The following SLC24A4 variants were observed in gnomAD, a reference collection of about 807,000 sequenced individuals.
SLC24A4 encodes solute carrier family 24 member 4.
SLC24A4 carries 53 observed loss-of-function variants against 79.0 expected under a neutral mutation model. That is an observed-to-expected ratio of 0.67 (90% CI 0.54 to 0.84). The LOEUF is 0.84. Among genes scored for constraint, SLC24A4 ranks in the 40% least tolerant of loss-of-function variants. The pLI is 0.00. For missense variants in SLC24A4, 731 were observed against 822.0 expected (o/e 0.89, Z 1.35); for synonymous variants, 323 against 323.8 (o/e 1.00, Z 0.03).
chr14:92,468,092 A>G (rs1894221918), intron 12 of SLC24A4, among the ~76,000 whole-genome samples: 1 of 152,226 alleles, frequency 6.6e-6, no homozygotes, highest in Non-Finnish European at 1.5e-5. Flanking sequence ...CAAGATCAAT[A>G]TATACAATTC....
At chr14:92,378,518 GCTTAACAT>G (rs2141705000) in intron 2 of SLC24A4, among the ~76,000 whole-genome samples, 1 of 152,282 alleles carries the variant, frequency 6.6e-6, no homozygotes, top group Non-Finnish European at 1.5e-5. Flanking sequence ...TTTTGGGGCT[GCTTAACAT>G]CTTCTCCACC....
At position 92,443,348 on chromosome 14, in the gene SLC24A4, C is replaced by T. The variant is rs1892608895; in HGVS notation, c.583-52C>T. 10 of 1,583,694 alleles carry T rather than the reference C, an allele frequency of 6.3e-6. 1 individual carries two copies. In the South Asian group the frequency reaches 1.1e-4, roughly 18 times the overall value. ...GGGGAGGAGGCCTGGGCAGCTGCAC[C>T]CCCTCCCCGCTTCTGCGCTCATAGC... On this transcript the variant is annotated intron_variant, in intron 6 of 16. Transcript: ENST00000532405.
chr14:92,494,952 AAAAG>A lies in SLC24A4; in HGVS notation c.*1329_*1332del, dbSNP rs1895872701. 6.5e-6 allele frequency: 1 copy of A among 152,696 alleles called. No homozygotes were observed. Among genetic ancestry groups the A allele is most frequent in the Admixed American group, 6.5e-5 (1 of 15,288 alleles). 9.5% of individuals were successfully genotyped at this position (152,696 alleles called of 1,614,324 possible). On this transcript the variant is annotated 3_prime_UTR_variant, in exon 17 of 17. Transcript: ENST00000532405. This position sits in a 1 kb window ranked among gnomAD's most constrained non-coding sequence, Gnocchi z 4.6. ...AACCATTTATGGTTTATGATTTCTA[AAAAG>A]AAAGCACAATTAATTTTATAGAGAG...
At chr14:92,477,844 G>C (rs1894857210) in intron 12 of SLC24A4, among the ~76,000 whole-genome samples, 1 of 147,020 alleles carries the variant, frequency 6.8e-6, no homozygotes, top group South Asian at 2.1e-4. Context: ...GTGCAGTGGT[G>C]TGATCTTAGC....
chr14:92,323,143 G>A (rs1265165581), upstream of SLC24A4: 1 of 152,228 alleles, frequency 6.6e-6, no homozygotes, highest in Non-Finnish European at 1.5e-5. This position sits in a 1 kb window ranked among gnomAD's most constrained non-coding sequence, Gnocchi z 4.9. Context: ...AGAGCAGCGG[G>A]CGGGAGGCGC....
At chr14:92,364,941 G>A (rs72693198) in intron 2 of SLC24A4, among the ~76,000 whole-genome samples, 10,540 of 152,248 alleles carry the variant, frequency 0.069, 462 homozygotes, top group Admixed American at 0.093. Flanking sequence ...CAAAGGTGCC[G>A]TGAGAGCCCC....
chr14:92,452,882 C>A (rs959021544), intron 10 of SLC24A4: 1 of 152,202 alleles, frequency 6.6e-6, no homozygotes, highest in Non-Finnish European at 1.5e-5. Context: ...TTAACTCTTA[C>A]ACGGGTTTGC....
At chr14:92,397,266 C>G (rs1306353686) in intron 2 of SLC24A4, among the ~76,000 whole-genome samples, 1 of 152,174 alleles carries the variant, frequency 6.6e-6, no homozygotes, top group Admixed American at 6.5e-5. Flanking sequence ...GGAAAATTAG[C>G]CTCCTTCTGT....
At chr14:92,348,349 T>G (rs901788270) in intron 2 of SLC24A4, among the ~76,000 whole-genome samples, 1 of 152,210 alleles carries the variant, frequency 6.6e-6, no homozygotes, top group Non-Finnish European at 1.5e-5. Context: ...AAGTCAGAGG[T>G]CAACAAACTC....
chr14:92,408,166 A>AGT (rs143375295), intron 2 of SLC24A4, among the ~76,000 whole-genome samples: 30,115 of 136,648 alleles, frequency 0.22, 3,170 homozygotes, highest in Non-Finnish European at 0.25. Context: ...TTGCTACAGC[A>AGT]GTGTGTGTGT....
At chr14:92,386,498 C>T (rs537114038) in intron 2 of SLC24A4, among the ~76,000 whole-genome samples, 16 of 152,308 alleles carry the variant, frequency 1.1e-4, no homozygotes, top group Non-Finnish European at 2.2e-4. Context: ...AAGAAAGACC[C>T]TGCCCTGTGG....
chr14:92,482,801 C>T lies in SLC24A4; in HGVS notation c.1377C>T (p.Thr459=), dbSNP rs764395598. ...WEKFFMVTFI[T]ATLWIAVFSY... ...AGTTCTTCATGGTCACCTTCATCAC[C>T]GCCACGCTGTGGATCGCTGTGTTCT... is the stretch of plus-strand genomic sequence containing the variant. Residue 459 remains threonine (T), a synonymous_variant, in exon 13 of 17, where the codon ACC becomes ACT. Coordinates refer to ENST00000532405, the MANE Select transcript of SLC24A4 (RefSeq NM_153646.4). The T allele has an allele frequency of 7.4e-6, 12 of 1,613,872 alleles. No homozygotes were observed. The highest frequency in any genetic ancestry group is 2.7e-5 in the African/African-American group (2 of 74,882).
In SLC24A4 at chr14:92,453,914, C is replaced by T. The variant is rs774660650; in HGVS notation, c.895C>T (p.Gln299Ter). Residue 299 changes from glutamine to a stop codon, truncating the protein, a stop_gained, in exon 11 of 17, where the codon CAG becomes TAG. Transcript: ENST00000532405. LOFTEE classifies it high-confidence loss of function. ...PLLGQVKEKP[Q>*]YGKNPVVMVD... ...GCGCTCAACAGTGAAGGAGAAGCCA[C>T]AGTATGGCAAGAACCCCGTGGTGAT... is the stretch of plus-strand genomic sequence containing the variant. 1.2e-6 allele frequency: 2 copies of T among 1,611,102 alleles called. No individual in the cohort carries two copies. The highest frequency in any genetic ancestry group is 2.2e-5 in the East Asian group (1 of 44,696).
chr14:92,382,361 C>G (rs1208510269), intron 2 of SLC24A4, among the ~76,000 whole-genome samples: 1 of 152,196 alleles, frequency 6.6e-6, no homozygotes, highest in East Asian at 1.9e-4. Context: ...CAGTTCACCT[C>G]TGTGAGCCTC....
intron 10 of SLC24A4, chr14:92,451,504 G>T (rs1893135896): frequency 6.6e-6 from 1 of 152,278 alleles, no homozygotes; most frequent in South Asian, 2.1e-4. Context: ...CTCCAAGCAG[G>T]TCGCTGTGTG....
At chr14:92,428,925 G>C (rs943898733) in intron 2 of SLC24A4, among the ~76,000 whole-genome samples, 1 of 152,224 alleles carries the variant, frequency 6.6e-6, no homozygotes, top group African/African-American at 2.4e-5. Flanking sequence ...GCCAGACTAA[G>C]AAGGCTACAT....
intron 2 of SLC24A4, among the ~76,000 whole-genome samples, chr14:92,394,194 T>A (rs78749625): frequency 0.11 from 17,395 of 152,132 alleles, 1,311 homozygotes; most frequent in Middle Eastern, 0.17. Context: ...TTCCCTCATC[T>A]TTTATTCTCA....
Position 92,482,865 on chromosome 14 carries a change from G to A in SLC24A4, c.1422+19G>A, listed in dbSNP as rs201955573. 1 of 1,599,622 alleles carries A rather than the reference G, an allele frequency of 6.3e-7. No homozygotes were observed. Among genetic ancestry groups the A allele is most frequent in the East Asian group, 2.2e-5 (1 of 44,608 alleles). ...GTGGCTGGTGAGTGGGGGGAGCAGG[G>A]GGTGGACTGTGTGCACAGCCAGGGA... is the stretch of plus-strand genomic sequence containing the variant. On this transcript the variant is annotated intron_variant, in intron 13 of 16. Transcript: ENST00000532405.
At position 92,421,839 on chromosome 14, in the gene SLC24A4, A is replaced by T. The variant is rs188331360; in HGVS notation, c.242-12073A>T. On this transcript the variant is annotated intron_variant, in intron 2 of 16. Transcript: ENST00000532405. ...CATGTTTTAAAACTTCATTTTTTTAAAAAAAATAAAGCATAGCAAATTGAC... is the reference window on the plus strand; with the variant it reads ...CATGTTTTAAAACTTCATTTTTTTATAAAAAATAAAGCATAGCAAATTGAC... 5.3e-3 allele frequency among the ~76,000 whole-genome samples: 801 copies of T among 152,168 alleles called. 4 individuals carry two copies. The highest frequency in any genetic ancestry group is 0.019 in the African/African-American group (780 of 41,506).
Sources: allele counts gnomAD v4.1 joint callset (sites outside exome capture counted in the v4.1 genomes callset), GRCh38; gene constraint gnomAD v4.1.1; non-coding constraint Gnocchi (gnomAD v3.1); transcripts MANE v1.5; gene names NCBI Gene and HGNC (gene_info 2026-07-23, HGNC 2026-07-21).